The following ARHGAP15 variants were observed in gnomAD, a reference collection of about 807,000 sequenced individuals.
The protein encoded by ARHGAP15 is Rho GTPase activating protein 15.
ARHGAP15 carries 51 observed loss-of-function variants against 63.7 expected under a neutral mutation model. The observed-to-expected ratio is 0.80, with a 90% CI of 0.64 to 1.01. ARHGAP15 has a LOEUF of 1.01. Ranked by LOEUF, ARHGAP15 falls within the 50% of genes least tolerant of loss-of-function variation. ARHGAP15 has a pLI of 0.00. For synonymous variants in ARHGAP15, 191 were observed against 193.8 expected, an observed-to-expected ratio of 0.99 and a Z score of 0.12; for missense variants, 560 against 564.6, an observed-to-expected ratio of 0.99 and a Z score of 0.08.
Position 143,673,758 on chromosome 2 carries a change from GTATATATATA to G in ARHGAP15, c.1139-29644_1139-29635del, listed in dbSNP as rs70982879. Among the ~76,000 whole-genome samples the G allele has an allele frequency of 1.3e-3, 29 of 22,124 alleles. 2 individuals are homozygous for G. In the East Asian group the frequency reaches 0.049, roughly 37 times the overall value. 14.5% of individuals were successfully genotyped at this position (22,124 alleles called of 152,430 possible). On this transcript the variant is annotated intron_variant, in intron 12 of 13. Transcript: ENST00000295095. Reference sequence around the variant, plus strand: ...TGTGTGTGTGTGTGTGTGTGTGTGTGTATATATATATATATATATATATATAAACAACTCC... The same window carrying G: ...TGTGTGTGTGTGTGTGTGTGTGTGTGTATATATATATATATAAACAACTCC...
In ARHGAP15 at chr2:143,534,040, T is replaced by A. The variant is rs576168448; in HGVS notation, c.925+14676T>A. On this transcript the variant is annotated intron_variant, in intron 10 of 13. Coordinates refer to ENST00000295095, the MANE Select transcript of ARHGAP15 (RefSeq NM_018460.4). Reference sequence around the variant, plus strand: ...TCCAGTGAGCCTGATGGAGTTAGGCTTTGTATCCCCACCCACATCTCTTCT... The same window carrying A: ...TCCAGTGAGCCTGATGGAGTTAGGCATTGTATCCCCACCCACATCTCTTCT... Among the ~76,000 whole-genome samples, 17 of 152,276 alleles carry A rather than the reference T, an allele frequency of 1.1e-4. No individual in the cohort carries two copies. In the South Asian group the frequency reaches 3.5e-3, roughly 32 times the overall value.
At chr2:143,370,533 T>C (rs888117830) in intron 6 of ARHGAP15, among the ~76,000 whole-genome samples, 1 of 152,158 alleles carries the variant, frequency 6.6e-6, no homozygotes, top group African/African-American at 2.4e-5. Context: ...CAAGTCATAC[T>C]GATTATATTG....
intron 6 of ARHGAP15, among the ~76,000 whole-genome samples, chr2:143,264,139 G>A (rs943604463): frequency 6.6e-6 from 1 of 151,578 alleles, no homozygotes; most frequent in African/African-American, 2.4e-5. Flanking sequence ...CTCTAGACCT[G>A]TTTAGGCCAA....
chr2:143,575,882 T>C (rs1696661289), intron 11 of ARHGAP15, among the ~76,000 whole-genome samples: 1 of 152,124 alleles, frequency 6.6e-6, no homozygotes, highest in Non-Finnish European at 1.5e-5. Context: ...GTATTTTGCT[T>C]TCCATGTTAA....
At chr2:143,718,224 A>T (rs1684896404) in intron 13 of ARHGAP15, among the ~76,000 whole-genome samples, 1 of 152,194 alleles carries the variant, frequency 6.6e-6, no homozygotes, top group South Asian at 2.1e-4. Context: ...AGCCATAAAT[A>T]ATATTTTGTC....
At chr2:143,265,409 A>C (rs143152025) in intron 6 of ARHGAP15, among the ~76,000 whole-genome samples, 262 of 152,286 alleles carry the variant, frequency 1.7e-3, no homozygotes, top group African/African-American at 6.2e-3. Flanking sequence ...TGGGGGAAAG[A>C]AAAGAAATTT....
intron 11 of ARHGAP15, among the ~76,000 whole-genome samples, chr2:143,584,867 C>G (rs1236085751): frequency 6.6e-6 from 1 of 152,122 alleles, no homozygotes; most frequent in Non-Finnish European, 1.5e-5. Flanking sequence ...AAAGTATGGT[C>G]ACATCAGAAC....
At chr2:143,147,016 A>G (rs925438852) in intron 1 of ARHGAP15, among the ~76,000 whole-genome samples, 3 of 152,240 alleles carry the variant, frequency 2.0e-5, no homozygotes, top group South Asian at 4.1e-4. Context: ...ATAGCCTGGC[A>G]TAACTGCAAC....
intron 2 of ARHGAP15, among the ~76,000 whole-genome samples, chr2:143,189,146 TTC>T (rs1691570991): frequency 6.6e-6 from 1 of 152,214 alleles, no homozygotes; most frequent in Non-Finnish European, 1.5e-5. Flanking sequence ...TTTGAAAGCA[TTC>T]TTCTAGCCTC....
chr2:143,280,963 A>AT lies in ARHGAP15; in HGVS notation c.474+30369dup, dbSNP rs1432097546. ...TAGAAGAAAAAACATTTAGATACAG[A>AT]TTTTTTAGAAAGTAGTACAGCTAAT... is the stretch of plus-strand genomic sequence containing the variant. On this transcript the variant is annotated intron_variant, in intron 6 of 13. Coordinates refer to ENST00000295095, the MANE Select transcript of ARHGAP15 (RefSeq NM_018460.4). Among the ~76,000 whole-genome samples, 15 of 152,242 alleles carry AT rather than the reference A, an allele frequency of 9.9e-5. 1 individual carries two copies. In the South Asian group the frequency reaches 1.9e-3, roughly 19 times the overall value.
intron 8 of ARHGAP15, among the ~76,000 whole-genome samples, chr2:143,479,181 C>T (rs1049598557): frequency 9.9e-5 from 15 of 152,140 alleles, no homozygotes; most frequent in African/African-American, 3.4e-4. Context: ...GAATCTGAGT[C>T]CATACATCAG....
intron 11 of ARHGAP15, among the ~76,000 whole-genome samples, chr2:143,585,526 G>A (rs1377596872): frequency 2.0e-5 from 3 of 151,972 alleles, no homozygotes; most frequent in Admixed American, 1.3e-4. Context: ...CTGCCACAGT[G>A]GTTATTCCTT....
chr2:143,148,028 C>A (rs1689658610), intron 1 of ARHGAP15, among the ~76,000 whole-genome samples: 1 of 151,916 alleles, frequency 6.6e-6, no homozygotes, highest in African/African-American at 2.4e-5. Flanking sequence ...GACAAAATCC[C>A]AATTCTTTAA....
At chr2:143,644,172 T>TTTGA (rs1389874114) in intron 12 of ARHGAP15, among the ~76,000 whole-genome samples, 2 of 151,982 alleles carry the variant, frequency 1.3e-5, no homozygotes, top group Admixed American at 1.3e-4. Context: ...TATGTTAAGG[T>TTTGA]TTGATAGAGA....
chr2:143,380,308 A>C (rs757293882), intron 6 of ARHGAP15, among the ~76,000 whole-genome samples: 1 of 152,166 alleles, frequency 6.6e-6, no homozygotes, highest in South Asian at 2.1e-4. Flanking sequence ...ATGACTTAAT[A>C]ACAGGAATAG....
intron 11 of ARHGAP15, among the ~76,000 whole-genome samples, chr2:143,615,224 T>C (rs1698410826): frequency 6.6e-6 from 1 of 152,202 alleles, no homozygotes; most frequent in South Asian, 2.1e-4. Context: ...CTAACAGATG[T>C]CTTATCTGGG....
At chr2:143,691,253 T>C (rs1683588379) in intron 12 of ARHGAP15, among the ~76,000 whole-genome samples, 1 of 152,172 alleles carries the variant, frequency 6.6e-6, no homozygotes, top group African/African-American at 2.4e-5. Flanking sequence ...GTGAGATTGT[T>C]GACATCTGCC....
chr2:143,635,809 T>C (rs1680280008), intron 12 of ARHGAP15, among the ~76,000 whole-genome samples: 1 of 152,126 alleles, frequency 6.6e-6, no homozygotes, highest in Admixed American at 6.5e-5. Flanking sequence ...GTAAAAGTAA[T>C]ATGTTTGGAA....
intron 8 of ARHGAP15, among the ~76,000 whole-genome samples, chr2:143,486,422 A>AAAAAAAC (rs1692326655): frequency 6.6e-6 from 1 of 151,678 alleles, no homozygotes; most frequent in African/African-American, 2.4e-5. Context: ...AAAAAAAAAA[A>AAAAAAAC]AACTTTAGTC....
Sources: allele counts gnomAD v4.1 joint callset (sites outside exome capture counted in the v4.1 genomes callset), GRCh38; gene constraint gnomAD v4.1.1; transcripts MANE v1.5; gene names NCBI Gene and HGNC (gene_info 2026-07-23, HGNC 2026-07-21).